Variants in CDC73 observed in about 807,000 individuals in gnomAD.
CDC73 encodes cell division cycle 73, also known as parafibromin.
A neutral mutation model predicts 83.7 loss-of-function variants in CDC73; 21 were observed. The ratio of observed to expected loss-of-function variants is 0.25; its 90% CI spans 0.18 to 0.36. CDC73 has a LOEUF of 0.36. CDC73 is among the 10% of genes least tolerant of loss of function. CDC73 has a pLI of 1.00. For missense variants in CDC73, 342 were observed against 653.3 expected, an observed-to-expected ratio of 0.52 and a Z score of 5.19; for synonymous variants, 224 against 212.9, an observed-to-expected ratio of 1.05 and a Z score of -0.45.
intron 10 of CDC73, among the ~76,000 whole-genome samples, chr1:193,189,014 C>T (rs1451727330): frequency 6.7e-6 from 1 of 150,248 alleles, no homozygotes; most frequent in Non-Finnish European, 1.5e-5. Context: ...GGTACAGTGG[C>T]ACGATCTTGT....
At chr1:193,230,712 T>C (rs1312748027) in intron 13 of CDC73, among the ~76,000 whole-genome samples, 6 of 152,080 alleles carry the variant, frequency 3.9e-5, no homozygotes, top group Admixed American at 3.9e-4. Flanking sequence ...TGGTACAATA[T>C]AATGGTGTAG....
intron 13 of CDC73, among the ~76,000 whole-genome samples, chr1:193,227,468 G>A (rs1305694722): frequency 6.6e-6 from 1 of 150,376 alleles, no homozygotes; most frequent in Non-Finnish European, 1.5e-5. Context: ...GCAAGACCTC[G>A]TTTCAAAAAA....
At chr1:193,157,886 T>G (rs1480223875) in intron 10 of CDC73, among the ~76,000 whole-genome samples, 1 of 152,036 alleles carries the variant, frequency 6.6e-6, no homozygotes, top group African/African-American at 2.4e-5. Context: ...TCAGTGATTT[T>G]GTTTTTATTT....
intron 13 of CDC73, 118 bp downstream of exon 13, chr1:193,212,595 G>C (rs1396242563): frequency 3.3e-6 from 2 of 599,564 alleles, no homozygotes; most frequent in African/African-American, 3.7e-5. Context: ...CTGTGCTATA[G>C]GCCTTACACA....
At chr1:193,154,280 C>T (rs547437985) in intron 10 of CDC73, among the ~76,000 whole-genome samples, 1 of 152,082 alleles carries the variant, frequency 6.6e-6, no homozygotes, top group Non-Finnish European at 1.5e-5. Context: ...CTCATCCATC[C>T]CTGTACCTCT....
intron 13 of CDC73, among the ~76,000 whole-genome samples, chr1:193,231,876 C>G (rs1164153391): frequency 2.0e-5 from 3 of 152,030 alleles, no homozygotes; most frequent in Admixed American, 2.0e-4. Context: ...ACTTTAGAAG[C>G]AGAATGATAC....
chr1:193,168,618 G>A (rs935319856), intron 10 of CDC73, among the ~76,000 whole-genome samples: 7 of 151,530 alleles, frequency 4.6e-5, no homozygotes, highest in African/African-American at 1.7e-4. Context: ...TCCATTTCCC[G>A]GGTTCAAGCA....
chr1:193,142,151 C>A (rs2103126681), intron 7 of CDC73, 85 bp downstream of exon 7: 1 of 1,209,874 alleles, frequency 8.3e-7, no homozygotes, highest in Non-Finnish European at 1.2e-6. Context: ...ATTGGTTAAA[C>A]TTTGCTTTTA....
At chr1:193,139,172 T>C (rs1675856440) in intron 6 of CDC73, among the ~76,000 whole-genome samples, 1 of 152,218 alleles carries the variant, frequency 6.6e-6, no homozygotes, top group Admixed American at 6.5e-5. Context: ...CCTTTTTGGA[T>C]AGTTTCTGTT....
chr1:193,138,062 C>A, intron 5 of CDC73, 23 bp from the exon 6 acceptor site: 2 of 1,558,756 alleles, frequency 1.3e-6, no homozygotes, highest in Non-Finnish European at 1.8e-6. Context: ...ATTTTAAATG[C>A]ATTAACCAGT....
At chr1:193,170,305 A>G (rs1417005186) in intron 10 of CDC73, among the ~76,000 whole-genome samples, 2 of 152,206 alleles carry the variant, frequency 1.3e-5, no homozygotes, top group South Asian at 2.1e-4. Context: ...CTTTGAGTAT[A>G]TAACCAGTAA....
At chr1:193,163,151 T>TTGTG (rs57194967) in intron 10 of CDC73, among the ~76,000 whole-genome samples, 34 of 39,884 alleles carry the variant, frequency 8.5e-4, no homozygotes, top group East Asian at 2.4e-3. Flanking sequence ...CTTTGTGGGG[T>TTGTG]TGTGTGTGTG....
chr1:193,227,726 A>G (rs974305648), intron 13 of CDC73, among the ~76,000 whole-genome samples: 8 of 152,174 alleles, frequency 5.3e-5, no homozygotes, highest in African/African-American at 1.9e-4. Context: ...AAATTATAAC[A>G]TTCGTCATAT....
intron 15 of CDC73, among the ~76,000 whole-genome samples, chr1:193,238,895 C>G (rs1057186223): frequency 8.6e-5 from 13 of 152,016 alleles, no homozygotes; most frequent in Admixed American, 3.3e-4. Flanking sequence ...TCTTGCTGTC[C>G]CAGGTGGCAG....
chr1:193,175,889 A>G (rs559082977), intron 10 of CDC73, among the ~76,000 whole-genome samples: 1 of 152,300 alleles, frequency 6.6e-6, no homozygotes, highest in Non-Finnish European at 1.5e-5. Flanking sequence ...TTTTGTAAAA[A>G]TCAAGTTTAC....
chr1:193,209,799 G>T (rs1050788794), intron 11 of CDC73, among the ~76,000 whole-genome samples: 2 of 151,974 alleles, frequency 1.3e-5, no homozygotes, highest in African/African-American at 4.8e-5. Flanking sequence ...GGCATTTGTG[G>T]ATTTCCTTAC....
In CDC73 at chr1:193,130,301, A is replaced by G. The variant is rs1572146705; in HGVS notation, c.307+58A>G. On this transcript the variant is annotated intron_variant, in intron 3 of 16. Transcript: ENST00000367435. ...ACAGACATTGTTTCTTTTTTCCCCTATGAAATAATGATTAGAGGGAAGAGA... is the reference window on the plus strand; with the variant it reads ...ACAGACATTGTTTCTTTTTTCCCCTGTGAAATAATGATTAGAGGGAAGAGA... 12 of 1,030,080 alleles carry G rather than the reference A, an allele frequency of 1.2e-5. No individual in the cohort carries two copies. The East Asian group carries it at 1.9e-4, about 16-fold the overall frequency. 63.8% of individuals were successfully genotyped at this position (1,030,080 alleles called of 1,614,324 possible). A position where few individuals can be genotyped will look rare whatever the true frequency, so the allele number is the denominator to read the frequency against.
chr1:193,209,294 T>G (rs1477661990), intron 11 of CDC73, among the ~76,000 whole-genome samples: 1 of 152,202 alleles, frequency 6.6e-6, no homozygotes, highest in Non-Finnish European at 1.5e-5. Context: ...GTGGCAGCAG[T>G]TAGCATCTAC....
chr1:193,152,066 GTA>G (rs1458133270), intron 9 of CDC73, among the ~76,000 whole-genome samples: 1 of 152,140 alleles, frequency 6.6e-6, no homozygotes, highest in Non-Finnish European at 1.5e-5. Context: ...CTATCATTGA[GTA>G]TTAGTAGTAA....
Sources: gnomAD v4.1 joint callset for allele counts (sites outside exome capture counted in the v4.1 genomes callset) on GRCh38, gnomAD v4.1.1 for gene constraint, MANE v1.5 for transcripts, NCBI Gene and HGNC (gene_info 2026-07-23, HGNC 2026-07-21) for gene names.